The following TNRC6B variants were observed in gnomAD, a reference collection of about 807,000 sequenced individuals.
The protein encoded by TNRC6B is trinucleotide repeat containing adaptor 6B, also known as trinucleotide repeat-containing gene 6B protein.
TNRC6B carries 52 observed loss-of-function variants against 203.6 expected under a neutral mutation model. The ratio of observed to expected loss-of-function variants is 0.26; its 90% CI spans 0.20 to 0.32. The LOEUF (loss-of-function observed/expected upper bound fraction) is 0.32, where lower values mean the gene tolerates loss of function less well. Among genes scored for constraint, TNRC6B ranks in the 10% least tolerant of loss-of-function variants. The pLI is 1.00. For synonymous variants in TNRC6B, 838 were observed against 845.7 expected (o/e 0.99, Z 0.16); for missense variants, 1,923 against 2,286.2 (o/e 0.84, Z 3.24).
chr22:40,266,792 C>T lies in TNRC6B; in HGVS notation c.2562C>T (p.Ser854=), dbSNP rs1387000874. 6.2e-7 allele frequency: 1 copy of T among 1,613,596 alleles called. No individual in the cohort carries two copies. Among genetic ancestry groups the T allele is most frequent in the East Asian group, 2.2e-5 (1 of 44,874 alleles). The change falls in exon 5 of 23, where the codon TCC becomes TCT. Residue 854 remains serine (S), a synonymous_variant. Transcript: ENST00000454349. ...CACCTCCAGGCAACGTTCGACCTTC[C>T]AATTCCAGCTGGAGCAGCGGGCCAC... ...PPPPPGNVRP[S]NSSWSSGPQP...
chr22:40,099,464 T>C (rs2068214644), intron 1 of TNRC6B, among the ~76,000 whole-genome samples: 1 of 152,122 alleles, frequency 6.6e-6, no homozygotes, highest in East Asian at 1.9e-4. Flanking sequence ...ACAAGATTAG[T>C]ACAGCGGTCC....
chr22:40,312,407 T>TG (rs2071196553), intron 17 of TNRC6B, 98 bp from the exon 18 acceptor site: 1 of 1,228,930 alleles, frequency 8.1e-7, no homozygotes, highest in East Asian at 2.5e-5. Flanking sequence ...AATTCAGTAT[T>TG]TATACTTTTC....
At chr22:40,281,946 A>G (rs530502633) in intron 11 of TNRC6B, among the ~76,000 whole-genome samples, 8 of 152,316 alleles carry the variant, frequency 5.3e-5, no homozygotes, top group Admixed American at 5.2e-4. Context: ...TCACCTTGCC[A>G]GGCCTGAGGG....
intron 2 of TNRC6B, among the ~76,000 whole-genome samples, chr22:40,250,925 G>A (rs956884150): frequency 2.9e-5 from 4 of 137,802 alleles, no homozygotes; most frequent in Admixed American, 8.3e-5. Context: ...CGTATAATGA[G>A]TGGAATGCTT....
intron 9 of TNRC6B, 142 bp from the exon 10 acceptor site, chr22:40,279,853 T>A: frequency 1.6e-6 from 1 of 626,452 alleles, no homozygotes; most frequent in Admixed American, 2.5e-5. Context: ...CCAATGAGAG[T>A]TTGTCTCGTC....
At chr22:40,251,306 G>C in intron 3 of TNRC6B, 106 bp downstream of exon 3, 1 of 819,586 alleles carries the variant, frequency 1.2e-6, no homozygotes. Context: ...TGGGCGTAGA[G>C]TAATTAAGGT....
At chr22:40,321,012 C>G in intron 21 of TNRC6B, 78 bp from the exon 22 acceptor site, 2 of 1,551,906 alleles carry the variant, frequency 1.3e-6, no homozygotes, top group Non-Finnish European at 1.8e-6. Context: ...AGGTCTCAGC[C>G]AGTGCTTTGA....
intron 4 of TNRC6B, among the ~76,000 whole-genome samples, chr22:40,159,511 C>T (rs1026994001): frequency 6.6e-6 from 1 of 151,334 alleles, no homozygotes; most frequent in Non-Finnish European, 1.5e-5. Context: ...TGGTGGCGGG[C>T]GCCTGTAGTC....
At chr22:40,210,130 G>A (rs1451610224) in intron 1 of TNRC6B, among the ~76,000 whole-genome samples, 3 of 152,048 alleles carry the variant, frequency 2.0e-5, no homozygotes, top group Non-Finnish European at 4.4e-5. Context: ...CTTGTGGGAT[G>A]CCCGCCTTGT....
intron 15 of TNRC6B, among the ~76,000 whole-genome samples, chr22:40,306,852 C>T (rs185334069): frequency 6.6e-6 from 1 of 152,078 alleles, no homozygotes; most frequent in East Asian, 1.9e-4. Context: ...CTGGGCATGG[C>T]TGTGGTGTGC....
At chr22:40,135,019 G>A (rs2146332900) in intron 3 of TNRC6B, among the ~76,000 whole-genome samples, 2 of 152,304 alleles carry the variant, frequency 1.3e-5, no homozygotes, top group South Asian at 4.1e-4. Flanking sequence ...GCCTGAAAGG[G>A]CCCACTCACA....
At chr22:40,060,144 CTT>C (rs1175503527) in intron 1 of TNRC6B, among the ~76,000 whole-genome samples, 20 of 125,216 alleles carry the variant, frequency 1.6e-4, no homozygotes, top group Non-Finnish European at 1.7e-4. Context: ...TTTTTTTTTT[CTT>C]TTTTTTTTTT....
intron 3 of TNRC6B, among the ~76,000 whole-genome samples, chr22:40,130,779 TAAAAAAAAAAAAAAAA>T (rs200268757): frequency 1.5e-5 from 1 of 65,064 alleles, no homozygotes; most frequent in Admixed American, 1.9e-4. Context: ...AGACTCCGTC[TAAAAAAAAAAAAAAAA>T]AAAAAAAATA....
chr22:40,172,258 T>A (rs989662529), intron 4 of TNRC6B, among the ~76,000 whole-genome samples: 1 of 152,212 alleles, frequency 6.6e-6, no homozygotes, highest in African/African-American at 2.4e-5. Flanking sequence ...AAAGTGAGCC[T>A]CTCTCAGTTA....
intron 4 of TNRC6B, among the ~76,000 whole-genome samples, chr22:40,163,167 A>ACTTG (rs1451658250): frequency 6.6e-6 from 1 of 151,824 alleles, no homozygotes; most frequent in East Asian, 1.9e-4. Context: ...TAATCTCAAC[A>ACTTG]CTTGGGGAGG....
chr22:40,264,788 C>A lies in TNRC6B; in HGVS notation c.558C>A (p.Ile186=). 1 of 1,613,978 alleles carries A rather than the reference C, an allele frequency of 6.2e-7. No individual in the cohort carries two copies. The highest frequency in any genetic ancestry group is 8.5e-7 in the Non-Finnish European group (1 of 1,179,882). Residue 186 remains isoleucine (I), a synonymous_variant, in exon 5 of 23, where the codon ATC becomes ATA. Coordinates refer to ENST00000454349, the MANE Select transcript of TNRC6B (RefSeq NM_001162501.2). ...NNGTSPNPIH[I]WDKVIVDGSD... is the part of the protein sequence containing the mutation. ...GCACCTCCCCCAACCCAATTCACAT[C>A]TGGGACAAGGTGATTGTAGACGGGT... is the stretch of plus-strand genomic sequence containing the variant.
intron 1 of TNRC6B, among the ~76,000 whole-genome samples, chr22:40,199,129 A>T (rs985692933): frequency 6.6e-6 from 1 of 152,162 alleles, no homozygotes; most frequent in Non-Finnish European, 1.5e-5. Context: ...GTTTATTTCA[A>T]AATTTAAGAA....
chr22:40,273,958 T>C (rs79295049), intron 7 of TNRC6B, among the ~76,000 whole-genome samples: 2 of 152,140 alleles, frequency 1.3e-5, no homozygotes, highest in Non-Finnish European at 2.9e-5. Flanking sequence ...GAACTGAGGA[T>C]TTTTAAATGA....
intron 1 of TNRC6B, among the ~76,000 whole-genome samples, chr22:40,199,163 G>A (rs1420753951): frequency 6.6e-6 from 1 of 152,150 alleles, no homozygotes; most frequent in East Asian, 1.9e-4. Context: ...ATTAGAACCT[G>A]CTGAGTAAAA....
Sources: allele counts gnomAD v4.1 joint callset (sites outside exome capture counted in the v4.1 genomes callset), GRCh38; gene constraint gnomAD v4.1.1; transcripts MANE v1.5; gene names NCBI Gene and HGNC (gene_info 2026-07-23, HGNC 2026-07-21).